Variants in RNFT2 observed in about 807,000 individuals in gnomAD.
RNFT2 encodes the protein ring finger protein, transmembrane 2, also known as E3 ubiquitin-protein ligase RNFT2.
RNFT2 carries 36 observed loss-of-function variants against 53.0 expected under a neutral mutation model. The ratio of observed to expected loss-of-function variants is 0.68; its 90% confidence interval spans 0.52 to 0.90. The LOEUF (loss-of-function observed/expected upper bound fraction) is 0.90, where lower values mean the gene tolerates loss of function less well. Ranked by LOEUF, RNFT2 falls within the 40% of genes least tolerant of loss-of-function variation. The pLI is 0.00. For synonymous variants in RNFT2, 260 were observed against 253.2 expected (o/e 1.03, Z -0.26); for missense variants, 514 against 585.6 (o/e 0.88, Z 1.26).
intron 3 of RNFT2, among the ~76,000 whole-genome samples, chr12:116,743,247 G>GAAAAAAAAAAA (rs1566066807): frequency 1.6e-5 from 1 of 61,580 alleles, no homozygotes; most frequent in African/African-American, 5.4e-5. Context: ...AAAAAAAACC[G>GAAAAAAAAAAA]GTTAAAAAAC....
chr12:116,841,033 AG>A (rs1255966926), intron 10 of RNFT2, among the ~76,000 whole-genome samples: 2 of 152,162 alleles, frequency 1.3e-5, no homozygotes, highest in East Asian at 3.8e-4. Context: ...ATAATGAGTA[AG>A]GGTTTTCACT....
intron 7 of RNFT2, among the ~76,000 whole-genome samples, chr12:116,789,683 T>G (rs1874132727): frequency 2.7e-5 from 3 of 110,608 alleles, no homozygotes; most frequent in Admixed American, 1.0e-4. Flanking sequence ...GGGAGGAGAG[T>G]AGAGGGATGG....
At chr12:116,841,822 TATATATATATAAATATATATATAA>T (rs1464741472) in intron 10 of RNFT2, among the ~76,000 whole-genome samples, 1 of 41,892 alleles carries the variant, frequency 2.4e-5, no homozygotes, top group South Asian at 5.6e-4. Context: ...TATATAAAAA[TATATATATATAAATATATATATAA>T]ATATATATAA....
intron 6 of RNFT2, among the ~76,000 whole-genome samples, chr12:116,774,116 AAT>A (rs1285688019): frequency 6.6e-6 from 1 of 152,228 alleles, no homozygotes; most frequent in Non-Finnish European, 1.5e-5. Flanking sequence ...AGACAGAAAG[AAT>A]GGCGGTTGCC....
chr12:116,834,515 C>T (rs1358289642), intron 8 of RNFT2, among the ~76,000 whole-genome samples: 1 of 152,238 alleles, frequency 6.6e-6, no homozygotes, highest in Non-Finnish European at 1.5e-5. Flanking sequence ...AAGACATTTT[C>T]ATCACCCTGA....
intron 7 of RNFT2, among the ~76,000 whole-genome samples, chr12:116,792,162 G>T (rs542501410): frequency 6.6e-5 from 10 of 152,098 alleles, no homozygotes; most frequent in African/African-American, 2.4e-4. Flanking sequence ...CAATTCTCCT[G>T]ACTCAGCCTC....
rs1456442355 is a variant in RNFT2, at chr12:116,750,055, G to A, written c.298G>A (p.Gly100Ser). Residue 100 changes from glycine (G) to serine (S), a missense_variant, in exon 4 of 11, where the codon GGC (glycine) becomes AGC (serine). Coordinates refer to ENST00000257575, the MANE Select transcript of RNFT2 (RefSeq NM_001382266.1). ...QMPASREEGG[G>S]RGEGGAYHHR... ...GCCCGCGTCCAGGGAGGAAGGAGGG[G>A]GCCGGGGCGAGGGGGGCGCCTACCA... 1 of 1,549,012 alleles carries A rather than the reference G, an allele frequency of 6.5e-7. No individual in the cohort carries two copies. The highest frequency in any genetic ancestry group is 2.4e-5 in the East Asian group (1 of 41,334).
chr12:116,827,580 C>T (rs1376613463), intron 7 of RNFT2, among the ~76,000 whole-genome samples: 1 of 152,236 alleles, frequency 6.6e-6, no homozygotes, highest in Non-Finnish European at 1.5e-5. Flanking sequence ...CAAATACGTC[C>T]TGCCACTTGT....
At chr12:116,810,831 G>A (rs115599601) in intron 7 of RNFT2, among the ~76,000 whole-genome samples, 2,123 of 152,276 alleles carry the variant, frequency 0.014, 56 homozygotes, top group African/African-American at 0.048. Context: ...GGGGTAGGGG[G>A]GACTACCCTG....
chr12:116,751,057 GGCGT>G (rs1872230380), intron 4 of RNFT2, among the ~76,000 whole-genome samples: 1 of 150,506 alleles, frequency 6.6e-6, no homozygotes, highest in Non-Finnish European at 1.5e-5. Flanking sequence ...TGGGACTACA[GGCGT>G]GTGCCACCAC....
At chr12:116,796,297 A>G (rs986226951) in intron 7 of RNFT2, among the ~76,000 whole-genome samples, 5 of 152,214 alleles carry the variant, frequency 3.3e-5, no homozygotes, top group Non-Finnish European at 7.3e-5. Flanking sequence ...GACTGGTTGT[A>G]TCAGAAACAA....
chr12:116,740,384 T>G lies in RNFT2; in HGVS notation c.-114T>G. 1 of 1,034,648 alleles carries G rather than the reference T, an allele frequency of 9.7e-7. No individual in the cohort carries two copies. Among genetic ancestry groups the G allele is most frequent in the Non-Finnish European group, 1.5e-6 (1 of 682,552 alleles). The allele number at this position is 1,034,648 out of a possible 1,614,324, so 64.1% of individuals were successfully genotyped here. A position where few individuals can be genotyped will look rare whatever the true frequency, so the allele number is the denominator to read the frequency against. On this transcript the variant is annotated 5_prime_UTR_variant, in exon 2 of 11. Transcript: ENST00000257575. The stretch of plus-strand genomic sequence containing the variant: ...GCAAGCTCCCCTGACTGTGCATCCC[T>G]CTGGAGACGAAGAGGAGGGGGAGGC...
chr12:116,771,460 TAAAAAAAAAAAAAAAAAAAA>T (rs35911608), intron 6 of RNFT2, among the ~76,000 whole-genome samples: 3 of 64,122 alleles, frequency 4.7e-5, no homozygotes, highest in African/African-American at 1.8e-4. Flanking sequence ...ATCCTATCGT[TAAAAAAAAAAAAAAAAAAAA>T]AAAAAAAAAA....
At chr12:116,749,194 C>T (rs1350237579) in intron 3 of RNFT2, among the ~76,000 whole-genome samples, 1 of 151,958 alleles carries the variant, frequency 6.6e-6, no homozygotes, top group Non-Finnish European at 1.5e-5. Context: ...TCTGAGGCCT[C>T]TCTCCTTGGC....
At chr12:116,822,352 C>G (rs182513093) in intron 7 of RNFT2, among the ~76,000 whole-genome samples, 1 of 152,240 alleles carries the variant, frequency 6.6e-6, no homozygotes, top group Admixed American at 6.5e-5. Flanking sequence ...CTCTGTCTCT[C>G]TCTCTCTCTG....
At chr12:116,779,485 A>G in intron 7 of RNFT2, 137 bp downstream of exon 7, 2 of 904,332 alleles carry the variant, frequency 2.2e-6, no homozygotes, top group Non-Finnish European at 3.3e-6. Flanking sequence ...CTGAGCTCAT[A>G]GCTCCTGTCA....
chr12:116,849,556 T>C lies in RNFT2; in HGVS notation c.*108T>C. On this transcript the variant is annotated 3_prime_UTR_variant, in exon 11 of 11. Coordinates refer to ENST00000257575, the MANE Select transcript of RNFT2 (RefSeq NM_001382266.1). ...GCCTCAAGCACTTACATCCTGCCTC[T>C]TGCCCTCCACCACCTCTGACCCCAA... 4 of 1,442,966 alleles carry C rather than the reference T, an allele frequency of 2.8e-6. No homozygotes were observed. The highest frequency in any genetic ancestry group is 3.7e-6 in the Non-Finnish European group (4 of 1,094,878). The allele number at this position is 1,442,966 out of a possible 1,614,324, so 89.4% of individuals were successfully genotyped here.
At chr12:116,845,258 A>AT (rs1177907516) in intron 10 of RNFT2, among the ~76,000 whole-genome samples, 1,637 of 122,398 alleles carry the variant, frequency 0.013, 8 homozygotes, top group African/African-American at 0.024. Context: ...AAAAAAAAAA[A>AT]ATATATATAT....
rs1565876299 is a variant in RNFT2, at chr12:116,841,965, AG to A, written c.1200+5684del. The stretch of plus-strand genomic sequence containing the variant: ...TATATATAAATATATATATAGAGAG[AG>A]AGAGAGAGAGAGAGAGAGAGGGAGG... On this transcript the variant is annotated intron_variant, in intron 10 of 10. Coordinates refer to ENST00000257575, the MANE Select transcript of RNFT2 (RefSeq NM_001382266.1). Among the ~76,000 whole-genome samples the A allele has an allele frequency of 2.0e-4, 24 of 117,484 alleles. 2 individuals are homozygous for A. The highest frequency in any genetic ancestry group is 3.5e-4 in the African/African-American group (10 of 28,278). 77.1% of individuals were successfully genotyped at this position (117,484 alleles called of 152,430 possible).
Sources: allele counts gnomAD v4.1 joint callset (sites outside exome capture counted in the v4.1 genomes callset), GRCh38; gene constraint gnomAD v4.1.1; transcripts MANE v1.5; gene names NCBI Gene and HGNC (gene_info 2026-07-23, HGNC 2026-07-21).